Variants in USP34 observed in about 807,000 individuals in gnomAD.
The protein encoded by USP34 is ubiquitin specific peptidase 34, also known as ubiquitin carboxyl-terminal hydrolase 34.
USP34 carries 70 observed loss-of-function variants against 460.3 expected under a neutral mutation model. That is an observed-to-expected ratio of 0.15 (90% confidence interval 0.13 to 0.19). The LOEUF (loss-of-function observed/expected upper bound fraction) is 0.19, where lower values mean the gene tolerates loss of function less well. Among genes scored for constraint, USP34 ranks in the 10% least tolerant of loss-of-function variants. The probability of loss-of-function intolerance (pLI) is 1.00; values close to 1 mark genes in which losing one functional copy is unlikely to be tolerated. For missense variants in USP34, 3,985 were observed against 4,236.2 expected, an observed-to-expected ratio of 0.94 and a Z score of 1.65; for synonymous variants, 1,647 against 1,405.3, an observed-to-expected ratio of 1.17 and a Z score of -3.85.
intron 62 of USP34, among the ~76,000 whole-genome samples, chr2:61,223,930 T>G (rs2103815297): frequency 6.6e-6 from 1 of 152,358 alleles, no homozygotes; most frequent in East Asian, 1.9e-4. Context: ...AGAGCCAGTC[T>G]TGTTTCATTT....
chr2:61,360,898 C>T (rs1189154231), intron 10 of USP34, among the ~76,000 whole-genome samples: 1 of 152,170 alleles, frequency 6.6e-6, no homozygotes, highest in Non-Finnish European at 1.5e-5. Context: ...CTCAAGCTAT[C>T]AGAAGTTAGC....
intron 16 of USP34, among the ~76,000 whole-genome samples, chr2:61,342,833 G>T (rs931631249): frequency 6.6e-6 from 1 of 152,122 alleles, no homozygotes; most frequent in Non-Finnish European, 1.5e-5. Flanking sequence ...ACTCCACGCA[G>T]TAAAAAATAG....
At chr2:61,276,543 G>A (rs1024397396) in intron 41 of USP34, among the ~76,000 whole-genome samples, 1 of 152,046 alleles carries the variant, frequency 6.6e-6, no homozygotes, top group Non-Finnish European at 1.5e-5. Context: ...TAGCATGAGA[G>A]GAAATCAAAC....
chr2:61,325,082 T>C (rs1170521456), intron 21 of USP34, among the ~76,000 whole-genome samples: 1 of 151,784 alleles, frequency 6.6e-6, no homozygotes, highest in Admixed American at 6.6e-5. Context: ...TAACAGACAC[T>C]GGAGTCTCCA....
At position 61,266,076 on chromosome 2, in the gene USP34, G is replaced by A; in HGVS notation, c.5525C>T (p.Ala1842Val). The change falls in exon 42 of 80, where the codon GCT becomes GTT. Residue 1842 changes from alanine (A) to valine (V), a missense_variant. Ala to Val is a moderately conservative substitution (Grantham distance 64, BLOSUM62 0). Around this residue, in one of 14 missense-constraint regions of USP34, gnomAD observed 1,114 missense variants for 1,122.5 expected, o/e 0.99. Transcript: ENST00000398571. ...QPKCKSHSSR[A>V]AAYDLLVEMV... ...CTCTACTAACAAATCGTAAGCGGCA[G>A]CTCTTGAAGAATGTGATTTGCACTT... 2 of 1,613,988 alleles carry A rather than the reference G, an allele frequency of 1.2e-6. No homozygotes were observed. The highest frequency in any genetic ancestry group is 1.7e-6 in the Non-Finnish European group (2 of 1,179,896).
intron 1 of USP34, among the ~76,000 whole-genome samples, chr2:61,455,422 C>G (rs1695408847): frequency 6.6e-6 from 1 of 152,134 alleles, no homozygotes; most frequent in African/African-American, 2.4e-5. Context: ...AGGCAATCCA[C>G]CAGCCTTGGC....
intron 76 of USP34, 35 bp from the exon 77 acceptor site, chr2:61,190,693 T>C (rs1012359420): frequency 2.5e-6 from 4 of 1,583,888 alleles, no homozygotes; most frequent in African/African-American, 2.7e-5. Context: ...GCACTTACGG[T>C]TGAGCACGGA....
intron 48 of USP34, among the ~76,000 whole-genome samples, chr2:61,252,920 A>G (rs1688626359): frequency 6.6e-6 from 1 of 152,202 alleles, no homozygotes; most frequent in South Asian, 2.1e-4. Context: ...CACATCACTA[A>G]ACTACCTTCT....
chr2:61,229,309 T>C (rs991055567), intron 59 of USP34, among the ~76,000 whole-genome samples: 5 of 151,702 alleles, frequency 3.3e-5, no homozygotes, highest in Non-Finnish European at 7.4e-5. Flanking sequence ...AAATATTTTG[T>C]AGGCAGGTTG....
intron 6 of USP34, among the ~76,000 whole-genome samples, chr2:61,381,838 C>T (rs1421368932): frequency 6.6e-6 from 1 of 152,060 alleles, no homozygotes; most frequent in African/African-American, 2.4e-5. Flanking sequence ...TTCATACTCC[C>T]AATTTGCCAG....
chr2:61,368,483 CAGAT>C (rs1291373967), intron 10 of USP34, among the ~76,000 whole-genome samples: 2 of 150,856 alleles, frequency 1.3e-5, no homozygotes, highest in African/African-American at 2.4e-5. Flanking sequence ...TTTCCAAAAA[CAGAT>C]AGCTGGCCCA....
chr2:61,314,953 A>C lies in USP34; in HGVS notation c.3304T>G (p.Trp1102Gly). Residue 1102 changes from tryptophan to glycine, a missense_variant, in exon 24 of 80, where the codon TGG becomes GGG. By Grantham distance (184) the Trp-to-Gly change is radical. Around this residue, in one of 14 missense-constraint regions of USP34, gnomAD observed 1,114 missense variants for 1,122.5 expected, o/e 0.99. Coordinates refer to ENST00000398571, the MANE Select transcript of USP34 (RefSeq NM_014709.4). ...GATTGTGCTCTTAAAGCAATGCCCCAAAATTGGTCCATACCACACAGCTAA... is the reference window on the plus strand; with the variant it reads ...GATTGTGCTCTTAAAGCAATGCCCCCAAATTGGTCCATACCACACAGCTAA... ...NSELCGMDQFWGIALRAQSGD... is the reference protein window; with the variant it reads ...NSELCGMDQFGGIALRAQSGD... 6.2e-7 allele frequency: 1 copy of C among 1,613,856 alleles called. No individual in the cohort carries two copies. Among genetic ancestry groups the C allele is most frequent in the South Asian group, 1.1e-5 (1 of 91,052 alleles).
intron 16 of USP34, 48 bp downstream of exon 16, chr2:61,343,767 T>C (rs775302163): frequency 1.9e-6 from 3 of 1,560,658 alleles, no homozygotes; most frequent in South Asian, 2.2e-5. Flanking sequence ...AGATAAATTA[T>C]TCCTGTTGTG....
At chr2:61,237,090 C>T (rs1688090468) in intron 53 of USP34, among the ~76,000 whole-genome samples, 1 of 152,148 alleles carries the variant, frequency 6.6e-6, no homozygotes, top group Non-Finnish European at 1.5e-5. Context: ...CTCCAGCCCA[C>T]TACACTAATT....
intron 39 of USP34, 77 bp downstream of exon 39, chr2:61,280,167 A>C (rs1167824079): frequency 2.4e-6 from 2 of 830,504 alleles, no homozygotes; most frequent in East Asian, 3.1e-5. Context: ...AATAACCAAT[A>C]AAGTCATGAA....
intron 43 of USP34, among the ~76,000 whole-genome samples, chr2:61,263,954 T>A (rs994582100): frequency 1.3e-5 from 2 of 152,196 alleles, no homozygotes; most frequent in African/African-American, 4.8e-5. Flanking sequence ...CTGTTTCTAC[T>A]AATTCCTAGA....
intron 1 of USP34, among the ~76,000 whole-genome samples, chr2:61,421,680 G>C (rs186848636): frequency 1.8e-4 from 28 of 152,276 alleles, no homozygotes; most frequent in Admixed American, 2.6e-4. Context: ...TCACATTAAC[G>C]TGAGGAGGGG....
At chr2:61,346,212 C>A (rs1182178624) in intron 15 of USP34, 1 of 152,008 alleles carries the variant, frequency 6.6e-6, no homozygotes, top group Non-Finnish European at 1.5e-5. Context: ...GTGACCATTA[C>A]ACACATAAAA....
chr2:61,279,494 T>A (rs1000790978), intron 39 of USP34, among the ~76,000 whole-genome samples: 6 of 152,192 alleles, frequency 3.9e-5, no homozygotes, highest in African/African-American at 1.4e-4. Context: ...AGACGGAGTT[T>A]CACTCTGTCG....
Sources: gnomAD v4.1 joint callset for allele counts (sites outside exome capture counted in the v4.1 genomes callset) on GRCh38, gnomAD v4.1.1 for gene constraint, gnomAD v4.1.1 regional missense constraint, MANE v1.5 for transcripts, NCBI Gene and HGNC (gene_info 2026-07-23, HGNC 2026-07-21) for gene names.